Variants in WDR27 observed in about 807,000 individuals in gnomAD.
The protein encoded by WDR27 is WD repeat-containing protein 27.
Under a neutral mutation model 114.4 loss-of-function variants are expected in WDR27, and 100 were observed. That is an observed-to-expected ratio of 0.87 (90% CI 0.74 to 1.03). WDR27 has a LOEUF of 1.03. WDR27 is among the 50% of genes least tolerant of loss of function. The probability of loss-of-function intolerance (pLI) is 0.00; values close to 1 mark genes in which losing one functional copy is unlikely to be tolerated. For missense variants in WDR27, 1,129 were observed against 1,092.9 expected (o/e 1.03, Z -0.47); for synonymous variants, 449 against 423.1 (o/e 1.06, Z -0.75).
chr6:169,560,645 C>T (rs1799555427), intron 25 of WDR27, among the ~76,000 whole-genome samples: 1 of 152,246 alleles, frequency 6.6e-6, no homozygotes, highest in Non-Finnish European at 1.5e-5. Flanking sequence ...ACTTTGGTCA[C>T]TTTACCCCAT....
chr6:169,484,069 T>G (rs1031370022), intron 25 of WDR27, among the ~76,000 whole-genome samples: 3 of 152,150 alleles, frequency 2.0e-5, no homozygotes, highest in African/African-American at 7.2e-5. Context: ...GCCAATGTTG[T>G]ACTGAATTGA....
At chr6:169,526,073 CA>C (rs1322549613) in intron 25 of WDR27, among the ~76,000 whole-genome samples, 1 of 152,072 alleles carries the variant, frequency 6.6e-6, no homozygotes, top group African/African-American at 2.4e-5. Context: ...TGGTGGTTAC[CA>C]GAGGCTGAGA....
chr6:169,472,744 C>T (rs1413614632), intron 25 of WDR27, among the ~76,000 whole-genome samples: 1 of 152,136 alleles, frequency 6.6e-6, no homozygotes, highest in Non-Finnish European at 1.5e-5. Flanking sequence ...CATTATTATT[C>T]TGGAGGGAGA....
chr6:169,515,674 G>A (rs1250344654), intron 25 of WDR27, among the ~76,000 whole-genome samples: 1 of 151,382 alleles, frequency 6.6e-6, no homozygotes, highest in Non-Finnish European at 1.5e-5. Context: ...AATGGATAAA[G>A]GTAATGATTA....
rs200308637 is a variant in WDR27 at position 169,624,723 on chromosome 6, A to G, written c.2223+8224T>C. 2.6e-5 allele frequency among the ~76,000 whole-genome samples: 4 copies of G among 152,256 alleles called. No homozygotes were observed. The East Asian group carries it at 7.7e-4, about 29-fold the overall frequency. ...AGAGTTTGACAACCACTGAGAAGAG[A>G]GCTCACCTGACCGTCAACTAGAGCC... On this transcript the variant is annotated intron_variant, in intron 21 of 25. Transcript: ENST00000448612.
chr6:169,467,922 C>T (rs927138884), intron 25 of WDR27, among the ~76,000 whole-genome samples: 29 of 152,198 alleles, frequency 1.9e-4, no homozygotes, highest in African/African-American at 6.8e-4. Context: ...AATTCCAAAC[C>T]ATATCTTTGT....
chr6:169,596,056 T>C (rs1342202104), intron 23 of WDR27, among the ~76,000 whole-genome samples: 3 of 152,190 alleles, frequency 2.0e-5, no homozygotes, highest in African/African-American at 7.2e-5. Context: ...TTTTTGTTAA[T>C]GTTTATAGTC....
At chr6:169,533,298 T>G (rs751832352) in intron 25 of WDR27, among the ~76,000 whole-genome samples, 5 of 146,604 alleles carry the variant, frequency 3.4e-5, no homozygotes, top group South Asian at 2.2e-4. Flanking sequence ...TGCAGGAAAA[T>G]TGGGGGGGGC....
chr6:169,532,268 G>C (rs947783820), intron 25 of WDR27, among the ~76,000 whole-genome samples: 1 of 151,552 alleles, frequency 6.6e-6, no homozygotes, highest in East Asian at 1.9e-4. Context: ...TTAATACTTG[G>C]AGTCACTGAG....
chr6:169,479,400 C>G (rs1174344896), intron 25 of WDR27, among the ~76,000 whole-genome samples: 1 of 151,988 alleles, frequency 6.6e-6, no homozygotes, highest in Admixed American at 6.6e-5. Context: ...TGACTTTAAA[C>G]CAATAAAAAT....
intron 21 of WDR27, among the ~76,000 whole-genome samples, chr6:169,616,319 C>T (rs939638266): frequency 5.3e-5 from 8 of 152,208 alleles, no homozygotes; most frequent in South Asian, 2.1e-4. Context: ...GAAACCCTGT[C>T]TCTACTAAAA....
At chr6:169,632,507 T>C (rs971693985) in intron 21 of WDR27, among the ~76,000 whole-genome samples, 2 of 152,294 alleles carry the variant, frequency 1.3e-5, no homozygotes, top group African/African-American at 2.4e-5. Context: ...TGCCACCCTT[T>C]AACCTACCGC....
intron 21 of WDR27, among the ~76,000 whole-genome samples, chr6:169,621,118 T>C (rs751539020): frequency 3.2e-4 from 49 of 151,868 alleles, no homozygotes; most frequent in Admixed American, 2.0e-4. Context: ...AATTAATTAA[T>C]AGGCACTTTA....
At chr6:169,456,343 G>A (rs769242072), downstream of WDR27, among the ~76,000 whole-genome samples, 2 of 152,228 alleles carry the variant, frequency 1.3e-5, no homozygotes, top group East Asian at 1.9e-4. This position sits in a 1 kb window ranked among gnomAD's most constrained non-coding sequence, Gnocchi z 4.0. Context: ...AGCACACTGC[G>A]TCTCTTGTGA....
chr6:169,555,605 T>C (rs1412973975), intron 25 of WDR27, among the ~76,000 whole-genome samples: 2 of 152,164 alleles, frequency 1.3e-5, no homozygotes, highest in East Asian at 3.8e-4. Context: ...AATTACAATA[T>C]AATTAACCAA....
chr6:169,621,546 A>C lies in WDR27; in HGVS notation c.2224-7890T>G, dbSNP rs529417505. 3.5e-4 allele frequency among the ~76,000 whole-genome samples: 53 copies of C among 152,064 alleles called. 2 individuals are homozygous for C. The East Asian group carries it at 9.9e-3, about 28-fold the overall frequency. On this transcript the variant is annotated intron_variant, in intron 21 of 25. Coordinates refer to ENST00000448612, the MANE Select transcript of WDR27 (RefSeq NM_182552.5). ...TACATACACACACACGCACGCATAT[A>C]CATACACACACGCATTCATGCATAT... is the stretch of plus-strand genomic sequence containing the variant.
At chr6:169,476,234 T>C (rs897035452) in intron 25 of WDR27, among the ~76,000 whole-genome samples, 3 of 152,162 alleles carry the variant, frequency 2.0e-5, no homozygotes, top group Non-Finnish European at 4.4e-5. Flanking sequence ...GCCCAGGGCA[T>C]AAAACCCCTC....
intron 25 of WDR27, among the ~76,000 whole-genome samples, chr6:169,480,869 T>C (rs1345403348): frequency 6.8e-6 from 1 of 147,622 alleles, no homozygotes; most frequent in East Asian, 2.1e-4. Context: ...AGCTAAAAGT[T>C]TGTAAACGCA....
At chr6:169,650,726 CATCT>C (rs1275833430) in intron 14 of WDR27, among the ~76,000 whole-genome samples, 2 of 151,310 alleles carry the variant, frequency 1.3e-5, no homozygotes, top group South Asian at 2.1e-4. Context: ...CCCACTCATC[CATCT>C]CTCATCCCTC....
Sources: gnomAD v4.1 joint callset for allele counts (sites outside exome capture counted in the v4.1 genomes callset) on GRCh38, gnomAD v4.1.1 for gene constraint, Gnocchi (gnomAD v3.1) non-coding constraint, MANE v1.5 for transcripts, NCBI Gene and HGNC (gene_info 2026-07-23, HGNC 2026-07-21) for gene names.